The following STK32B variants were observed in gnomAD, a reference collection of about 807,000 sequenced individuals.
STK32B encodes the protein serine/threonine kinase 32B.
Under a neutral mutation model 52.6 loss-of-function variants are expected in STK32B, and 43 were observed. The ratio of observed to expected loss-of-function variants is 0.82; its 90% CI spans 0.64 to 1.05. The LOEUF (loss-of-function observed/expected upper bound fraction) is 1.05, where lower values mean the gene tolerates loss of function less well. Ranked by LOEUF, STK32B falls within the 50% of genes least tolerant of loss-of-function variation. The pLI, the probability that STK32B is intolerant of heterozygous loss-of-function variation, is 0.00. For synonymous variants in STK32B, 238 were observed against 204.3 expected (o/e 1.17, Z -1.41); for missense variants, 621 against 534.6 (o/e 1.16, Z -1.59).
chr4:5,358,883 G>A (rs1301018024), intron 4 of STK32B, among the ~76,000 whole-genome samples: 1 of 152,140 alleles, frequency 6.6e-6, no homozygotes, highest in Non-Finnish European at 1.5e-5. Flanking sequence ...TCTAAGGAGT[G>A]GGTTAACACA....
In STK32B at chr4:5,395,438, C is replaced by T. The variant is rs550647397; in HGVS notation, c.435-2769C>T. ...TTTTCTTGCTATTCAGATGTCAACCCAATGTCACCACTTCTTAAAGGTCTT... is the reference window on the plus strand; with the variant it reads ...TTTTCTTGCTATTCAGATGTCAACCTAATGTCACCACTTCTTAAAGGTCTT... On this transcript the variant is annotated intron_variant, in intron 4 of 11. Transcript: ENST00000282908. The surrounding 1 kb of genome is among the most constrained non-coding windows in gnomAD (Gnocchi z 4.4). Among the ~76,000 whole-genome samples the T allele has an allele frequency of 6.6e-6, 1 of 152,170 alleles. No individual in the cohort carries two copies. Among genetic ancestry groups the T allele is most frequent in the Non-Finnish European group, 1.5e-5 (1 of 68,026 alleles).
In STK32B at chr4:5,331,216, C is replaced by A; in HGVS notation, c.261-4C>A. ...TAATCTTCTCTGTCCTTCTGTGCTC[C>A]TAGGTACTCCTTCCAGGATGAGGAG... On this transcript the variant is annotated splice_polypyrimidine_tract_variant and splice_region_variant and intron_variant, in intron 3 of 11. Coordinates refer to ENST00000282908, the MANE Select transcript of STK32B (RefSeq NM_018401.3). 1 of 1,610,284 alleles carries A rather than the reference C, an allele frequency of 6.2e-7. No individual in the cohort carries two copies.
At chr4:5,214,845 A>G (rs921993452) in intron 3 of STK32B, among the ~76,000 whole-genome samples, 7 of 152,154 alleles carry the variant, frequency 4.6e-5, no homozygotes, top group African/African-American at 9.7e-5. Context: ...ATTGTGAGAG[A>G]GGTATGAACA....
intron 1 of STK32B, among the ~76,000 whole-genome samples, chr4:5,065,361 G>T (rs1742379183): frequency 6.6e-6 from 1 of 152,104 alleles, no homozygotes; most frequent in Admixed American, 6.5e-5. Context: ...TTAGAAGGTG[G>T]CCCCCTTCTC....
At chr4:5,192,741 G>T (rs376126536) in intron 3 of STK32B, among the ~76,000 whole-genome samples, 1 of 52,352 alleles carries the variant, frequency 1.9e-5, no homozygotes, top group Admixed American at 2.0e-4. Flanking sequence ...TGAGAACACC[G>T]AGTTCTACTC....
chr4:5,382,533 G>A (rs868672956), intron 4 of STK32B, among the ~76,000 whole-genome samples: 2 of 151,862 alleles, frequency 1.3e-5, no homozygotes, highest in African/African-American at 4.8e-5. Context: ...ATGTGAAAAG[G>A]TCCCCTGGTC....
At chr4:5,440,103 A>G (rs374653705) in intron 6 of STK32B, among the ~76,000 whole-genome samples, 4,503 of 152,050 alleles carry the variant, frequency 0.03, 81 homozygotes, top group South Asian at 0.093. Flanking sequence ...TTTTGGTTCC[A>G]TATGAACTTT....
intron 4 of STK32B, among the ~76,000 whole-genome samples, chr4:5,363,462 G>C (rs1041875166): frequency 1.3e-5 from 2 of 152,194 alleles, no homozygotes; most frequent in African/African-American, 2.4e-5. Context: ...GCTGTGTCCT[G>C]TGGGTTCTGG....
intron 6 of STK32B, among the ~76,000 whole-genome samples, chr4:5,423,417 C>T (rs1712808213): frequency 6.6e-6 from 1 of 152,160 alleles, no homozygotes; most frequent in Non-Finnish European, 1.5e-5. Context: ...ATGGTTTATG[C>T]AGTCAGCCTC....
At chr4:5,323,226 G>A (rs1234952760) in intron 3 of STK32B, among the ~76,000 whole-genome samples, 5 of 152,080 alleles carry the variant, frequency 3.3e-5, no homozygotes, top group Admixed American at 6.5e-5. Flanking sequence ...TAGCCAAAAC[G>A]GCTTGCTACC....
intron 6 of STK32B, among the ~76,000 whole-genome samples, chr4:5,438,755 C>T (rs1022027427): frequency 2.6e-5 from 4 of 152,216 alleles, no homozygotes; most frequent in African/African-American, 9.7e-5. Flanking sequence ...CTCCTCCCTC[C>T]CCACACCCCA....
intron 2 of STK32B, among the ~76,000 whole-genome samples, chr4:5,146,262 G>C (rs1716907373): frequency 6.6e-6 from 1 of 152,088 alleles, no homozygotes; most frequent in Non-Finnish European, 1.5e-5. Flanking sequence ...GAAGACAGTA[G>C]TGGCTCAGTT....
chr4:5,222,049 G>A (rs894035389), intron 3 of STK32B, among the ~76,000 whole-genome samples: 9 of 152,088 alleles, frequency 5.9e-5, no homozygotes, highest in African/African-American at 1.2e-4. Flanking sequence ...CCACCCCTCT[G>A]GAGGATGCAG....
chr4:5,446,914 T>A, intron 7 of STK32B, 138 bp downstream of exon 7: 1 of 730,850 alleles, frequency 1.4e-6, no homozygotes, highest in Non-Finnish European at 2.3e-6. Flanking sequence ...GTTTCAGTCC[T>A]GATGCCTGTG....
intron 3 of STK32B, among the ~76,000 whole-genome samples, chr4:5,213,846 T>A (rs1723037949): frequency 6.6e-6 from 1 of 152,232 alleles, no homozygotes; most frequent in African/African-American, 2.4e-5. Context: ...TGGTGACTTT[T>A]GGTTAAAAAA....
chr4:5,479,234 C>CCCGGGCTCAAGCAA (rs1359275076), intron 11 of STK32B, among the ~76,000 whole-genome samples: 5 of 151,766 alleles, frequency 3.3e-5, no homozygotes, highest in Non-Finnish European at 5.9e-5. Context: ...ATTCTCCTGC[C>CCCGGGCTCAAGCAA]TTAGCCTCCC....
chr4:5,486,023 A>T (rs1333428188), intron 11 of STK32B, among the ~76,000 whole-genome samples: 2 of 152,048 alleles, frequency 1.3e-5, no homozygotes, highest in African/African-American at 4.8e-5. Context: ...CAGTTAGGCT[A>T]CTCGGGGATC....
At chr4:5,236,977 C>T (rs919178187) in intron 3 of STK32B, among the ~76,000 whole-genome samples, 4 of 152,154 alleles carry the variant, frequency 2.6e-5, no homozygotes, top group Non-Finnish European at 5.9e-5. Context: ...AGCAGCTGTA[C>T]CAACATCCAC....
intron 4 of STK32B, among the ~76,000 whole-genome samples, chr4:5,366,148 G>A (rs747511193): frequency 6.6e-5 from 10 of 152,166 alleles, no homozygotes; most frequent in Non-Finnish European, 1.0e-4. Context: ...CCACCTATTG[G>A]CTGTGCTCCG....
Sources: allele counts gnomAD v4.1 joint callset (sites outside exome capture counted in the v4.1 genomes callset), GRCh38; gene constraint gnomAD v4.1.1; non-coding constraint Gnocchi (gnomAD v3.1); transcripts MANE v1.5; gene names NCBI Gene and HGNC (gene_info 2026-07-23, HGNC 2026-07-21).